ZNF19: variants seen among roughly 807,000 people sequenced by gnomAD.
The protein encoded by ZNF19 is zinc finger protein 19 (KOX 12).
Under a neutral mutation model 13.1 loss-of-function variants are expected in ZNF19, and 11 were observed. That is an observed-to-expected ratio of 0.84 (90% CI 0.53 to 1.39). The LOEUF (loss-of-function observed/expected upper bound fraction) is 1.39, where lower values mean the gene tolerates loss of function less well. ZNF19 is among the 40% of genes most tolerant of loss of function. The pLI, the probability that ZNF19 is intolerant of heterozygous loss-of-function variation, is 0.00. For missense variants in ZNF19, 560 were observed against 547.0 expected (o/e 1.02, Z -0.24); for synonymous variants, 186 against 187.0 (o/e 0.99, Z 0.04).
In ZNF19 at chr16:71,482,142, G is replaced by A. The variant is rs1309981875; in HGVS notation, c.-28C>T. The A allele has an allele frequency of 6.2e-7, 1 of 1,613,842 alleles. No homozygotes were observed. The highest frequency in any genetic ancestry group is 1.3e-5 in the African/African-American group (1 of 75,066). ...CCTGGTCTCCCTCTTAGCAGGCAAA[G>A]GCTGAGGGAAGAAACAGAGAGAACC... On this transcript the variant is annotated splice_region_variant and 5_prime_UTR_variant, in exon 3 of 6. Transcript: ENST00000288177.
Position 71,484,659 on chromosome 16 carries a change from C to G in ZNF19, c.-100G>C, listed in dbSNP as rs1487186488. 1.0e-6 allele frequency: 1 copy of G among 985,294 alleles called. No homozygotes were observed. The highest frequency in any genetic ancestry group is 1.7e-5 in the African/African-American group (1 of 57,216). The allele number at this position is 985,294 out of a possible 1,614,324, so 61.0% of individuals were successfully genotyped here. On this transcript the variant is annotated 5_prime_UTR_variant, in exon 2 of 6. Transcript: ENST00000288177. ...CTTTGGCCTTGCACCCAGGCTCACA[C>G]GCGTACTCTCTAGGATGCCGGAGCG...
intron 1 of ZNF19, among the ~76,000 whole-genome samples, chr16:71,488,804 A>T (rs1384799891): frequency 1.3e-5 from 2 of 152,248 alleles, no homozygotes; most frequent in Non-Finnish European, 2.9e-5. Flanking sequence ...CGTCTCAAAA[A>T]AACCAAAACA....
intron 1 of ZNF19, among the ~76,000 whole-genome samples, chr16:71,485,899 C>T (rs1465882865): frequency 2.0e-5 from 3 of 152,096 alleles, no homozygotes; most frequent in Non-Finnish European, 4.4e-5. Flanking sequence ...AGCAGTCACT[C>T]TCCATTTTCC....
chr16:71,483,979 A>G (rs1367926206), intron 2 of ZNF19, among the ~76,000 whole-genome samples: 1 of 152,260 alleles, frequency 6.6e-6, no homozygotes, highest in African/African-American at 2.4e-5. Flanking sequence ...TACAAAAGTA[A>G]CAGCATACGC....
At chr16:71,478,706 C>A (rs1378787639) in intron 4 of ZNF19, 173 bp downstream of exon 4, 2 of 901,948 alleles carry the variant, frequency 2.2e-6, no homozygotes, top group Non-Finnish European at 3.4e-6. Context: ...CAAGACCTCT[C>A]CCTACCCAGC....
chr16:71,481,279 AAT>A (rs950684584), intron 3 of ZNF19, among the ~76,000 whole-genome samples: 5 of 152,236 alleles, frequency 3.3e-5, no homozygotes, highest in Admixed American at 1.3e-4. Context: ...GGATGTGAGA[AAT>A]ATGAGATTAT....
chr16:71,484,152 G>T (rs1304604255), intron 2 of ZNF19, among the ~76,000 whole-genome samples: 1 of 152,230 alleles, frequency 6.6e-6, no homozygotes, highest in Non-Finnish European at 1.5e-5. Flanking sequence ...CGGGCAGGTG[G>T]AGTGAAATAA....
chr16:71,478,822 A>C lies in ZNF19; in HGVS notation c.160+57T>G, dbSNP rs957709963. 6 of 1,590,420 alleles carry C rather than the reference A, an allele frequency of 3.8e-6. No individual in the cohort carries two copies. In the African/African-American group the frequency reaches 8.1e-5, roughly 21 times the overall value. ...CACACTCCTCCCCCCAGGCTGTAAA[A>C]GAAGGAAGGAAACTGGAAAAGTACA... On this transcript the variant is annotated intron_variant, in intron 4 of 5. Coordinates refer to ENST00000288177, the MANE Select transcript of ZNF19 (RefSeq NM_006961.4).
Position 71,475,586 on chromosome 16 carries a change from G to A in ZNF19, c.961C>T (p.Arg321Cys), listed in dbSNP as rs527840271. ...GRTSHLSQHQ[R>C]IHTGEKPYSC... ...TAAGGCTTTTCCCCTGTGTGAATAC[G>A]CTGATGTTGGCTTAGATGGGAAGTC... Residue 321 changes from arginine (R) to cysteine (C), a missense_variant, in exon 6 of 6, where the codon CGT (arginine) becomes TGT (cysteine). Transcript: ENST00000288177. 67 of 1,614,050 alleles carry A rather than the reference G, an allele frequency of 4.2e-5. 1 individual carries two copies. The South Asian group carries it at 5.8e-4, about 14-fold the overall frequency.
At chr16:71,482,583 T>A (rs1043849557) in intron 2 of ZNF19, among the ~76,000 whole-genome samples, 2 of 152,190 alleles carry the variant, frequency 1.3e-5, no homozygotes, top group Non-Finnish European at 2.9e-5. Context: ...ACCTTTAATT[T>A]TTCCCAAATG....
chr16:71,473,594 A>G lies in ZNF19; in HGVS notation c.*1576T>C, dbSNP rs1209528419. The G allele has an allele frequency of 2.0e-5, 3 of 151,978 alleles. No homozygotes were observed. The highest frequency in any genetic ancestry group is 7.2e-5 in the African/African-American group (3 of 41,382). 9.4% of individuals were successfully genotyped at this position (151,978 alleles called of 1,614,324 possible). On this transcript the variant is annotated 3_prime_UTR_variant, in exon 6 of 6. Transcript: ENST00000288177. ...TTGTACAACCATGATTCATGGTTTT[A>G]TTTTATTTTATTGAGGAATCTCACT...
intron 1 of ZNF19, among the ~76,000 whole-genome samples, chr16:71,488,186 C>T (rs567853950): frequency 2.0e-5 from 3 of 151,792 alleles, no homozygotes; most frequent in South Asian, 2.1e-4. Context: ...ATGGAGAAAT[C>T]GCATCTCTAC....
intron 2 of ZNF19, among the ~76,000 whole-genome samples, chr16:71,484,253 G>A (rs1346864813): frequency 6.6e-6 from 1 of 152,224 alleles, no homozygotes; most frequent in African/African-American, 2.4e-5. Context: ...CTGCATCCCC[G>A]GAATCTAGAG....
In ZNF19 at chr16:71,475,405, T is replaced by A. The variant is rs145348244; in HGVS notation, c.1142A>T (p.Gln381Leu). Residue 381 changes from glutamine (Q) to leucine (L), a missense_variant, in exon 6 of 6, where the codon CAG becomes CTG. Physicochemically the swap from Gln to Leu is moderately radical, Grantham distance 113. Coordinates refer to ENST00000288177, the MANE Select transcript of ZNF19 (RefSeq NM_006961.4). ...QLKRHLRIHTQESSYVCDECG... is the reference protein window; with the variant it reads ...QLKRHLRIHTLESSYVCDECG... ...CTCATCACATACATAGGAAGACTCC[T>A]GAGTATGAATTCTCAGATGCCTTTT... 1.2e-6 allele frequency: 2 copies of A among 1,614,030 alleles called. No individual in the cohort carries two copies. The highest frequency in any genetic ancestry group is 3.3e-5 in the Admixed American group (2 of 60,012).
At chr16:71,482,888 G>C (rs1391115671) in intron 2 of ZNF19, among the ~76,000 whole-genome samples, 1 of 152,192 alleles carries the variant, frequency 6.6e-6, no homozygotes, top group Non-Finnish European at 1.5e-5. Context: ...TTTTAGTAGA[G>C]ACAGGGTTTC....
rs1240672719 is a variant in ZNF19, at chr16:71,474,927, G to C, written c.*243C>G. 1.8e-5 allele frequency: 9 copies of C among 501,882 alleles called. No individual in the cohort carries two copies. The highest frequency in any genetic ancestry group is 3.1e-5 in the Non-Finnish European group (9 of 286,482). 31.1% of individuals were successfully genotyped at this position (501,882 alleles called of 1,614,324 possible). A position where few individuals can be genotyped will look rare whatever the true frequency, so the allele number is the denominator to read the frequency against. ...CTGTGTGGACTTCATTCTCACCTCT[G>C]TAAGAGTCTAGTTCTTCTTCTCAGC... On this transcript the variant is annotated 3_prime_UTR_variant, in exon 6 of 6. Transcript: ENST00000288177.
At position 71,489,259 on chromosome 16, in the gene ZNF19, T is replaced by G; in HGVS notation, c.-190+13A>C. The G allele has an allele frequency of 2.9e-5, 29 of 985,630 alleles. No homozygotes were observed. Among genetic ancestry groups the G allele is most frequent in the Non-Finnish European group, 3.5e-5 (29 of 830,054 alleles). 61.1% of individuals were successfully genotyped at this position (985,630 alleles called of 1,614,324 possible). On this transcript the variant is annotated intron_variant, in intron 1 of 5. Transcript: ENST00000288177. ...CAAGCTCCGCCCAACTGTGGGTCCT[T>G]GCACTTTGGCACCTTTGAGCGCGGA...
intron 1 of ZNF19, chr16:71,487,204 G>A (rs1039960852): frequency 1.3e-5 from 2 of 152,192 alleles, no homozygotes; most frequent in African/African-American, 4.8e-5. Flanking sequence ...CATGGTGGAA[G>A]GTGATTGGAT....
chr16:71,475,199 G>T lies in ZNF19; in HGVS notation c.1348C>A (p.Pro450Thr). 1.2e-6 allele frequency: 2 copies of T among 1,609,988 alleles called. No homozygotes were observed. The highest frequency in any genetic ancestry group is 1.7e-6 in the Non-Finnish European group (2 of 1,177,982). ...PVLDICRFGL[P>T]EFFTPFYW ...CAGTAAAAGGGGGTAAAAAATTCTG[G>T]GAGGCCAAAACGACAAATGTCCAGC... Residue 450 changes from proline (P) to threonine (T), a missense_variant, in exon 6 of 6, where the codon CCA becomes ACA. By Grantham distance (38) the Pro-to-Thr change is conservative. Coordinates refer to ENST00000288177, the MANE Select transcript of ZNF19 (RefSeq NM_006961.4).
Sources: allele counts gnomAD v4.1 joint callset (sites outside exome capture counted in the v4.1 genomes callset), GRCh38; gene constraint gnomAD v4.1.1; transcripts MANE v1.5; gene names NCBI Gene and HGNC (gene_info 2026-07-23, HGNC 2026-07-21).